NUDC: variants seen among roughly 807,000 people sequenced by gnomAD.
NUDC encodes the protein nuclear distribution C, dynein complex regulator.
In NUDC, 14 loss-of-function variants were observed where a neutral mutation model predicts 45.0. That is an observed-to-expected ratio of 0.31 (90% CI 0.21 to 0.49). The LOEUF (loss-of-function observed/expected upper bound fraction) is 0.49, where lower values mean the gene tolerates loss of function less well. NUDC is among the 20% of genes least tolerant of loss of function. NUDC has a pLI of 0.99. For missense variants in NUDC, 323 were observed against 426.2 expected (o/e 0.76, Z 2.13); for synonymous variants, 153 against 156.7 (o/e 0.98, Z 0.17).
chr1:26,911,275 G>A (rs1357170827), intron 3 of NUDC: 4 of 423,430 alleles, frequency 9.4e-6, no homozygotes, highest in South Asian at 7.2e-5. Flanking sequence ...CAGGGGAGCG[G>A]TTAGTGAAGG....
intron 1 of NUDC, chr1:26,902,133 AAGACTGG>A (rs1461474216): frequency 6.6e-6 from 1 of 152,206 alleles, no homozygotes; most frequent in Non-Finnish European, 1.5e-5. Context: ...TGAGTTAGGT[AAGACTGG>A]TGTATGCCCC....
At position 26,921,780 on chromosome 1, in the gene NUDC, G is replaced by C; in HGVS notation, c.-69G>C. The C allele has an allele frequency of 6.7e-7, 1 of 1,500,298 alleles. No individual in the cohort carries two copies. Among genetic ancestry groups the C allele is most frequent in the Non-Finnish European group, 9.1e-7 (1 of 1,103,890 alleles). 92.9% of individuals were successfully genotyped at this position (1,500,298 alleles called of 1,614,324 possible). A position where few individuals can be genotyped will look rare whatever the true frequency, so the allele number is the denominator to read the frequency against. On this transcript the variant is annotated 5_prime_UTR_variant, in exon 1 of 9. Transcript: ENST00000321265. Reference sequence around the variant, plus strand: ...CGACTAGAGTCGTTGGGCCCGGCGCGACCCGCAGGAGCGTAGAGAGCGCGG... The same window carrying C: ...CGACTAGAGTCGTTGGGCCCGGCGCCACCCGCAGGAGCGTAGAGAGCGCGG...
chr1:26,935,962 TAC>T (rs901385473), intron 2 of NUDC, among the ~76,000 whole-genome samples: 6 of 147,074 alleles, frequency 4.1e-5, no homozygotes, highest in African/African-American at 1.5e-4. Flanking sequence ...ACTCCATCTC[TAC>T]AAAAAAAAAA....
intron 2 of NUDC, chr1:26,929,753 G>T: frequency 2.5e-6 from 1 of 400,562 alleles, no homozygotes; most frequent in South Asian, 1.9e-5. Context: ...GCCGGGCACA[G>T]TGGCTCATAC....
chr1:26,921,175 T>A (rs181654516), upstream of NUDC, among the ~76,000 whole-genome samples: 1 of 152,018 alleles, frequency 6.6e-6, no homozygotes, highest in African/African-American at 2.4e-5. Context: ...CTGGGCCCAG[T>A]GCAAAATGAA....
chr1:26,943,895 A>G (rs921858661), intron 6 of NUDC, among the ~76,000 whole-genome samples: 2 of 151,946 alleles, frequency 1.3e-5, no homozygotes, highest in East Asian at 1.9e-4. Context: ...TCACCCCTCC[A>G]TGCCTCTGCA....
At chr1:26,927,501 G>A (rs1343145904) in intron 2 of NUDC, among the ~76,000 whole-genome samples, 2 of 151,054 alleles carry the variant, frequency 1.3e-5, no homozygotes, top group African/African-American at 4.9e-5. Context: ...AGGTTCAAGC[G>A]ATTCTTCTGC....
At chr1:26,934,985 GT>G (rs1003274551) in intron 2 of NUDC, among the ~76,000 whole-genome samples, 88 of 138,776 alleles carry the variant, frequency 6.3e-4, no homozygotes, top group African/African-American at 2.3e-3. Context: ...TTTGTTTTTT[GT>G]TTTTTTTTCT....
intron 2 of NUDC, among the ~76,000 whole-genome samples, chr1:26,935,398 CAT>C (rs1484231823): frequency 6.6e-6 from 1 of 152,134 alleles, no homozygotes; most frequent in Non-Finnish European, 1.5e-5. Context: ...TTAATTGACT[CAT>C]AGTTCTGCAT....
intron 2 of NUDC, among the ~76,000 whole-genome samples, chr1:26,928,974 C>T (rs1208278770): frequency 6.6e-6 from 1 of 152,178 alleles, no homozygotes; most frequent in Non-Finnish European, 1.5e-5. Context: ...ATGTTCACAG[C>T]AGCCTTATTC....
At chr1:26,927,973 A>G (rs1223527418) in intron 2 of NUDC, among the ~76,000 whole-genome samples, 1 of 152,232 alleles carries the variant, frequency 6.6e-6, no homozygotes, top group East Asian at 1.9e-4. Context: ...AGTAGAAGAA[A>G]TGAAGACTGT....
At chr1:26,937,529 G>A (rs1557679115) in intron 2 of NUDC, among the ~76,000 whole-genome samples, 2 of 152,046 alleles carry the variant, frequency 1.3e-5, no homozygotes, top group Admixed American at 6.6e-5. Context: ...CGATCTGCCC[G>A]CCTCGGCCTT....
intron 2 of NUDC, among the ~76,000 whole-genome samples, chr1:26,906,140 C>T (rs1245095813): frequency 6.6e-6 from 1 of 152,068 alleles, no homozygotes; most frequent in Admixed American, 6.6e-5. Context: ...ATTAGCAGGG[C>T]GTGGTGGCGC....
chr1:26,933,738 C>G (rs2082202554), intron 2 of NUDC, among the ~76,000 whole-genome samples: 1 of 152,098 alleles, frequency 6.6e-6, no homozygotes. Context: ...TTAGGAAATG[C>G]CATGATCTTT....
intron 2 of NUDC, among the ~76,000 whole-genome samples, chr1:26,937,374 G>T (rs918189084): frequency 1.3e-5 from 2 of 152,126 alleles, no homozygotes; most frequent in African/African-American, 4.8e-5. Context: ...CCGGCTCCCA[G>T]GCTCAAGCAG....
chr1:26,940,768 C>T (rs1404208556), intron 2 of NUDC, among the ~76,000 whole-genome samples: 2 of 152,202 alleles, frequency 1.3e-5, no homozygotes, highest in Non-Finnish European at 2.9e-5. Flanking sequence ...TCACTGCAAC[C>T]TCCACCTCCC....
intron 1 of NUDC, among the ~76,000 whole-genome samples, chr1:26,923,716 C>T (rs2082109247): frequency 6.6e-6 from 1 of 152,118 alleles, no homozygotes; most frequent in South Asian, 2.1e-4. Flanking sequence ...AAGTGACCCG[C>T]CCACCTGAGC....
chr1:26,912,729 C>T (rs1383854582), intron 3 of NUDC, among the ~76,000 whole-genome samples: 4 of 152,092 alleles, frequency 2.6e-5, no homozygotes, highest in African/African-American at 9.7e-5. Flanking sequence ...TTTCTGAACC[C>T]ACAGAGGAGT....
rs2082289057 is a variant in NUDC, at chr1:26,942,796, G to A, written c.546+20G>A. 6.2e-7 allele frequency: 1 copy of A among 1,614,066 alleles called. No individual in the cohort carries two copies. ...CTGGACGTGAGTGTCAGGGACCAGA[G>A]GTAAAGCTTAGGGGGCCAGCCTGGG... On this transcript the variant is annotated intron_variant, in intron 5 of 8. Coordinates refer to ENST00000321265, the MANE Select transcript of NUDC (RefSeq NM_006600.4).
Sources: allele counts gnomAD v4.1 joint callset (sites outside exome capture counted in the v4.1 genomes callset), GRCh38; gene constraint gnomAD v4.1.1; transcripts MANE v1.5; gene names NCBI Gene and HGNC (gene_info 2026-07-23, HGNC 2026-07-21).